NECTIN4: variants seen among roughly 807,000 people sequenced by gnomAD.
The protein encoded by NECTIN4 is nectin-4.
NECTIN4 carries 19 observed loss-of-function variants against 51.7 expected under a neutral mutation model. The observed-to-expected ratio is 0.37, with a 90% CI of 0.26 to 0.54. The LOEUF is 0.54. Ranked by LOEUF, NECTIN4 falls within the 20% of genes least tolerant of loss-of-function variation. The pLI, the probability that NECTIN4 is intolerant of heterozygous loss-of-function variation, is 0.86. For synonymous variants in NECTIN4, 283 were observed against 286.9 expected (o/e 0.99, Z 0.14); for missense variants, 619 against 662.4 (o/e 0.93, Z 0.72).
At chr1:161,076,230 G>A in intron 4 of NECTIN4, 125 bp downstream of exon 4, 1 of 1,077,334 alleles carries the variant, frequency 9.3e-7, no homozygotes, top group South Asian at 1.5e-5. Flanking sequence ...CAAGAGATCT[G>A]AACACATACC....
At chr1:161,074,530 A>T in intron 5 of NECTIN4, 81 bp downstream of exon 5, 1 of 1,588,638 alleles carries the variant, frequency 6.3e-7, no homozygotes, top group Non-Finnish European at 8.6e-7. Flanking sequence ...TTCCCAATTC[A>T]CTGTCTCTGT....
chr1:161,074,260 A>T lies in NECTIN4; in HGVS notation c.1114T>A (p.Ser372Thr). Reference sequence around the variant, plus strand: ...TGGGCCTTGCGCCGATGGTATCGGGACATGAGCACCACCACCACCACCAGA... The same window carrying T: ...TGGGCCTTGCGCCGATGGTATCGGGTCATGAGCACCACCACCACCACCAGA... ...CLLVVVVVLM[S>T]RYHRRKAQQM... is the part of the protein sequence containing the mutation. Residue 372 changes from serine (S) to threonine (T), a missense_variant, in exon 6 of 9, where the codon TCC (serine) becomes ACC (threonine). By Grantham distance (58) the Ser-to-Thr change is moderately conservative (BLOSUM62 1). Transcript: ENST00000368012. The T allele has an allele frequency of 6.2e-7, 1 of 1,614,046 alleles. No homozygotes were observed. Among genetic ancestry groups the T allele is most frequent in the Non-Finnish European group, 8.5e-7 (1 of 1,180,008 alleles).
chr1:161,076,420 G>A lies in NECTIN4; in HGVS notation c.786C>T (p.Gly262=). The A allele has an allele frequency of 6.2e-7, 1 of 1,614,164 alleles. No individual in the cohort carries two copies. The highest frequency in any genetic ancestry group is 8.5e-7 in the Non-Finnish European group (1 of 1,180,030). The change falls in exon 4 of 9, where the codon GGC becomes GGT. Residue 262 remains glycine, a synonymous_variant. Coordinates refer to ENST00000368012, the MANE Select transcript of NECTIN4 (RefSeq NM_030916.3). ...GLEDQNLWHI[G]REGAMLKCLS... Reference sequence around the variant, plus strand: ...GGCACTTGAGCATAGCTCCTTCTCTGCCAATGTGCCACAGATTTTGGTCTT... The same window carrying A: ...GGCACTTGAGCATAGCTCCTTCTCTACCAATGTGCCACAGATTTTGGTCTT...
chr1:161,078,102 G>A (rs1211239169), intron 2 of NECTIN4, among the ~76,000 whole-genome samples: 1 of 152,062 alleles, frequency 6.6e-6, no homozygotes, highest in Non-Finnish European at 1.5e-5. Context: ...CAAACAGTGA[G>A]TTAGGTATTA....
Position 161,072,795 on chromosome 1 carries a change from G to C in NECTIN4, c.1399C>G (p.Arg467Gly), listed in dbSNP as rs139761589. Reference protein sequence around the residue: ...QTELLSPGSGRAEEEEDQDEG... With the variant: ...QTELLSPGSGGAEEEEDQDEG... ...TCCTGATCTTCCTCCTCCTCGGCCC[G>C]CCCAGAGCCTGGAGACAGCAGTTCA... is the stretch of plus-strand genomic sequence containing the variant. Residue 467 changes from arginine to glycine, a missense_variant, in exon 9 of 9, where the codon CGG becomes GGG. Around this residue, in one of 3 missense-constraint regions of NECTIN4, gnomAD observed 364 missense variants for 415.7 expected, o/e 0.88. Coordinates refer to ENST00000368012, the MANE Select transcript of NECTIN4 (RefSeq NM_030916.3). 5 of 1,614,180 alleles carry C rather than the reference G, an allele frequency of 3.1e-6. No individual in the cohort carries two copies. The highest frequency in any genetic ancestry group is 4.2e-6 in the Non-Finnish European group (5 of 1,180,030).
At position 161,089,138 on chromosome 1, in the gene NECTIN4, G is replaced by A; in HGVS notation, c.79+80C>T. On this transcript the variant is annotated intron_variant, in intron 1 of 8. Transcript: ENST00000368012. The surrounding 1 kb of genome is among the most constrained non-coding windows in gnomAD (Gnocchi z 4.1). ...GGAGGATATGTGTGTGCGTGCGTGT[G>A]TGTCTATGTGTTTGTGCATGTGTGT... 3 of 1,218,080 alleles carry A rather than the reference G, an allele frequency of 2.5e-6. No homozygotes were observed. Among genetic ancestry groups the A allele is most frequent in the South Asian group, 1.2e-5 (1 of 83,114 alleles). The allele number at this position is 1,218,080 out of a possible 1,614,324, so 75.5% of individuals were successfully genotyped here. A position where few individuals can be genotyped will look rare whatever the true frequency, so the allele number is the denominator to read the frequency against.
Position 161,072,714 on chromosome 1 carries a change from C to G in NECTIN4, c.1480G>C (p.Ala494Pro). Residue 494 changes from alanine to proline, a missense_variant, in exon 9 of 9, where the codon GCC becomes CCC. Ala to Pro is a conservative substitution (Grantham distance 27). Coordinates refer to ENST00000368012, the MANE Select transcript of NECTIN4 (RefSeq NM_030916.3). ...TAGATGCCATTGCCCGTGGGCTTGGCCCGTAGGGTCCCATTCTCCTGAACA... is the reference window on the plus strand; with the variant it reads ...TAGATGCCATTGCCCGTGGGCTTGGGCCGTAGGGTCCCATTCTCCTGAACA... ...HFVQENGTLR[A>P]KPTGNGIYIN... 1.2e-6 allele frequency: 2 copies of G among 1,614,200 alleles called. No homozygotes were observed. The highest frequency in any genetic ancestry group is 1.7e-6 in the Non-Finnish European group (2 of 1,180,034).
In NECTIN4 at chr1:161,089,476, C is replaced by A; in HGVS notation, c.-180G>T. On this transcript the variant is annotated 5_prime_UTR_variant, in exon 1 of 9. Transcript: ENST00000368012. The surrounding 1 kb of genome is among the most constrained non-coding windows in gnomAD (Gnocchi z 4.1). ...CCCCGGCCCCGTTCTACACACCCAG[C>A]CGTAGCTACCCCCAAGAAGCCGTGA... 1.6e-6 allele frequency: 1 copy of A among 632,636 alleles called. No homozygotes were observed. The highest frequency in any genetic ancestry group is 1.8e-5 in the South Asian group (1 of 56,326). The allele number at this position is 632,636 out of a possible 1,614,324, so 39.2% of individuals were successfully genotyped here.
chr1:161,075,648 T>C (rs1316416884), intron 4 of NECTIN4, among the ~76,000 whole-genome samples: 2 of 152,078 alleles, frequency 1.3e-5, no homozygotes, highest in African/African-American at 4.8e-5. Context: ...GGCACACACC[T>C]GTAATCCCAG....
In NECTIN4 at chr1:161,074,632, G is replaced by A. The variant is rs370622008; in HGVS notation, c.979C>T (p.Gln327Ter). ...VSNEFSSRDS[Q>*]VTVDVLDPQE... ...TTACCAAGAACATCCACAGTGACCT[G>A]AGAATCCCTTGAGGAGAACTCATTG... Residue 327 changes from glutamine to a stop codon, truncating the protein, a stop_gained, in exon 5 of 9, where the codon CAG (glutamine) becomes TAG (stop). Coordinates refer to ENST00000368012, the MANE Select transcript of NECTIN4 (RefSeq NM_030916.3). LOFTEE classifies it high-confidence loss of function. 30 of 1,614,146 alleles carry A rather than the reference G, an allele frequency of 1.9e-5. No individual in the cohort carries two copies. The highest frequency in any genetic ancestry group is 2.5e-5 in the Non-Finnish European group (30 of 1,180,056).
In NECTIN4 at chr1:161,071,233, G is replaced by C. The variant is rs1653130598; in HGVS notation, c.*1428C>G. ...ATTCTGGCTGAGTGTATCTGGGTGG[G>C]CCAGCTAAAAATAAACCTCATTGAA... On this transcript the variant is annotated 3_prime_UTR_variant, in exon 9 of 9. Coordinates refer to ENST00000368012, the MANE Select transcript of NECTIN4 (RefSeq NM_030916.3). 6.6e-6 allele frequency: 1 copy of C among 151,986 alleles called. No homozygotes were observed. The allele number at this position is 151,986 out of a possible 1,614,324, so 9.4% of individuals were successfully genotyped here. A position where few individuals can be genotyped will look rare whatever the true frequency, so the allele number is the denominator to read the frequency against.
intron 1 of NECTIN4, among the ~76,000 whole-genome samples, chr1:161,083,725 G>A (rs1358127728): frequency 1.3e-5 from 2 of 152,216 alleles, no homozygotes; most frequent in African/African-American, 4.8e-5. Flanking sequence ...CTGGCCAGAC[G>A]GGATCCCTGC....
chr1:161,074,506 T>C, intron 5 of NECTIN4, 105 bp downstream of exon 5: 1 of 1,579,442 alleles, frequency 6.3e-7, no homozygotes, highest in East Asian at 2.2e-5. Context: ...CCCAGCCCCC[T>C]CTGAATAAAC....
At chr1:161,073,917 TGTGA>T (rs1653298776) in intron 6 of NECTIN4, 122 bp from the exon 7 acceptor site, 10 of 886,236 alleles carry the variant, frequency 1.1e-5, no homozygotes, top group Non-Finnish European at 1.8e-5. Flanking sequence ...GCCCTGCAAG[TGTGA>T]GTGTGTGGCT....
chr1:161,079,827 C>A lies in NECTIN4; in HGVS notation c.202G>T (p.Ala68Ser), dbSNP rs143991457. 2.5e-6 allele frequency: 4 copies of A among 1,613,824 alleles called. No homozygotes were observed. The highest frequency in any genetic ancestry group is 3.4e-6 in the Non-Finnish European group (4 of 1,180,008). ...GCGCCTTCGCCCGCGTCCACCCGAGCCCATGCCACTTGCCCCACTTGCTCG... is the reference window on the plus strand; with the variant it reads ...GCGCCTTCGCCCGCGTCCACCCGAGACCATGCCACTTGCCCCACTTGCTCG... ...SGEQVGQVAW[A>S]RVDAGEGAQE... The change falls in exon 2 of 9, where the codon GCT becomes TCT. Residue 68 changes from alanine (A) to serine (S), a missense_variant. Ala to Ser is a moderately conservative substitution (Grantham distance 99). This residue lies in a region of NECTIN4 where 218 missense variants were observed against 186.3 expected (regional missense o/e 1.17). Coordinates refer to ENST00000368012, the MANE Select transcript of NECTIN4 (RefSeq NM_030916.3).
At chr1:161,082,733 C>G (rs528221237) in intron 1 of NECTIN4, among the ~76,000 whole-genome samples, 2 of 152,060 alleles carry the variant, frequency 1.3e-5, no homozygotes, top group African/African-American at 4.8e-5. Context: ...GCTAACCACC[C>G]GCACCCCTCC....
intron 7 of NECTIN4, 23 bp from the exon 8 acceptor site, chr1:161,073,322 A>C (rs1653265264): frequency 6.2e-7 from 1 of 1,606,970 alleles, no homozygotes. Flanking sequence ...GACACGGGGC[A>C]GTTAGAACAG....
In NECTIN4 at chr1:161,077,584, C is replaced by G; in HGVS notation, c.599G>C (p.Arg200Pro). 6.2e-7 allele frequency: 1 copy of G among 1,613,912 alleles called. No homozygotes were observed. Among genetic ancestry groups the G allele is most frequent in the Non-Finnish European group, 8.5e-7 (1 of 1,180,028 alleles). ...TTSSRSFKHSRSAAVTSEFHL... is the reference protein window; with the variant it reads ...TTSSRSFKHSPSAAVTSEFHL... ...GAACTCTGAGGTGACGGCAGCAGAG[C>G]GGGAGTGCTTGAAGGAACGGCTGGA... Residue 200 changes from arginine to proline, a missense_variant, in exon 3 of 9, where the codon CGC becomes CCC. Transcript: ENST00000368012.
At chr1:161,085,243 G>C (rs1032448811) in intron 1 of NECTIN4, among the ~76,000 whole-genome samples, 2 of 152,004 alleles carry the variant, frequency 1.3e-5, no homozygotes, top group African/African-American at 4.8e-5. Flanking sequence ...GGGGAGGGGG[G>C]CCACACAATC....
Sources: gnomAD v4.1 joint callset for allele counts (sites outside exome capture counted in the v4.1 genomes callset) on GRCh38, gnomAD v4.1.1 for gene constraint, gnomAD v4.1.1 regional missense constraint, Gnocchi (gnomAD v3.1) non-coding constraint, MANE v1.5 for transcripts, NCBI Gene and HGNC (gene_info 2026-07-23, HGNC 2026-07-21) for gene names.